ETV6: variants seen among roughly 807,000 people sequenced by gnomAD.
ETV6 encodes ETS variant transcription factor 6, also known as transcription factor ETV6.
Under a neutral mutation model 51.1 loss-of-function variants are expected in ETV6, and 16 were observed. The ratio of observed to expected loss-of-function variants is 0.31; its 90% CI spans 0.21 to 0.48. The LOEUF (loss-of-function observed/expected upper bound fraction) is 0.48. Ranked by LOEUF, ETV6 falls within the 20% of genes least tolerant of loss-of-function variation. ETV6 has a pLI of 0.99. For missense variants in ETV6, 458 were observed against 594.8 expected, an observed-to-expected ratio of 0.77 and a Z score of 2.39; for synonymous variants, 240 against 224.1, an observed-to-expected ratio of 1.07 and a Z score of -0.64.
intron 3 of ETV6, among the ~76,000 whole-genome samples, chr12:11,843,978 G>A (rs1157378012): frequency 1.3e-5 from 2 of 151,628 alleles, no homozygotes; most frequent in East Asian, 1.9e-4. Context: ...TTTATAAAAC[G>A]TCACCTGGAC....
At chr12:11,727,654 A>G (rs1390907050) in intron 1 of ETV6, among the ~76,000 whole-genome samples, 2 of 148,740 alleles carry the variant, frequency 1.3e-5, no homozygotes, top group Admixed American at 6.7e-5. Context: ...GTACATGGTC[A>G]TGAAAAGTGC....
chr12:11,742,940 G>A (rs1865837952), intron 1 of ETV6, among the ~76,000 whole-genome samples: 1 of 151,478 alleles, frequency 6.6e-6, no homozygotes, highest in South Asian at 2.1e-4. Context: ...CCAAGTAGCT[G>A]GAACCACAGG....
intron 2 of ETV6, among the ~76,000 whole-genome samples, chr12:11,806,945 G>T (rs1945837933): frequency 6.6e-6 from 1 of 152,142 alleles, no homozygotes; most frequent in Non-Finnish European, 1.5e-5. Flanking sequence ...TTTCTTAAAA[G>T]AAAGCAGTGA....
chr12:11,770,244 G>A (rs1945223552), intron 2 of ETV6, among the ~76,000 whole-genome samples: 1 of 152,034 alleles, frequency 6.6e-6, no homozygotes, highest in South Asian at 2.1e-4. Context: ...GATATTGGGA[G>A]GTGACAGTGC....
chr12:11,702,034 T>C (rs139762091), intron 1 of ETV6, among the ~76,000 whole-genome samples: 33 of 152,244 alleles, frequency 2.2e-4, no homozygotes, highest in African/African-American at 7.9e-4. Flanking sequence ...TGCTAAGGAT[T>C]GGGGTACAGG....
rs377757573 is a variant in ETV6, at chr12:11,877,302, CTT to C, written c.1010-7128_1010-7127del. Among the ~76,000 whole-genome samples the C allele has an allele frequency of 8.4e-3, 1,185 of 141,654 alleles. 22 individuals are homozygous for C. Among genetic ancestry groups the C allele is most frequent in the African/African-American group, 0.029 (1,114 of 38,734 alleles). The allele number at this position is 141,654 out of a possible 152,430, so 92.9% of individuals were successfully genotyped here. On this transcript the variant is annotated intron_variant, in intron 5 of 7. Coordinates refer to ENST00000396373, the MANE Select transcript of ETV6 (RefSeq NM_001987.5). The stretch of plus-strand genomic sequence containing the variant: ...ATTTGTTTCAAAGGAAGCCTATAGA[CTT>C]TTTTTTTTTTTTTTAATTTTGTACA...
At chr12:11,674,640 TG>T (rs1864381385) in intron 1 of ETV6, among the ~76,000 whole-genome samples, 1 of 150,968 alleles carries the variant, frequency 6.6e-6, no homozygotes, top group South Asian at 2.1e-4. Context: ...TGTGTGTGTG[TG>T]TGTGTGTGTG....
chr12:11,817,196 G>T (rs1342458374), intron 2 of ETV6, among the ~76,000 whole-genome samples: 1 of 152,164 alleles, frequency 6.6e-6, no homozygotes, highest in Non-Finnish European at 1.5e-5. Context: ...CCACCCTCCA[G>T]AGCTGTTATG....
intron 2 of ETV6, among the ~76,000 whole-genome samples, chr12:11,763,650 T>C (rs940385964): frequency 2.0e-5 from 3 of 152,276 alleles, no homozygotes; most frequent in Non-Finnish European, 4.4e-5. Flanking sequence ...GATCGTCTTA[T>C]AGCTGTTATT....
At chr12:11,752,871 C>A (rs1866065711) in intron 2 of ETV6, 1 of 269,686 alleles carries the variant, frequency 3.7e-6, no homozygotes, top group African/African-American at 2.2e-5. Flanking sequence ...TCCTAGTAGA[C>A]AAGATGATTT....
In ETV6 at chr12:11,869,944, C is replaced by G; in HGVS notation, c.984C>G (p.His328Gln). The G allele has an allele frequency of 1.2e-6, 2 of 1,607,698 alleles. No individual in the cohort carries two copies. The highest frequency in any genetic ancestry group is 1.7e-6 in the Non-Finnish European group (2 of 1,179,366). Residue 328 changes from histidine (H) to glutamine (Q), a missense_variant, in exon 5 of 8, where the codon CAC (histidine) becomes CAG (glutamine). Around this residue, in one of 4 missense-constraint regions of ETV6, gnomAD observed 293 missense variants for 315.7 expected, o/e 0.93. Coordinates refer to ENST00000396373, the MANE Select transcript of ETV6 (RefSeq NM_001987.5). The surrounding 1 kb of genome is among the most constrained non-coding windows in gnomAD (Gnocchi z 5.0). The stretch of plus-strand genomic sequence containing the variant: ...TCTCTGTCTCCCCGCCTGAAGAGCA[C>G]GCCATGCCCATTGGGAGAATAGCAG... Reference protein sequence around the residue: ...IMVSVSPPEEHAMPIGRIADC... With the variant: ...IMVSVSPPEEQAMPIGRIADC...
intron 2 of ETV6, among the ~76,000 whole-genome samples, chr12:11,794,617 T>G (rs955386642): frequency 6.6e-6 from 1 of 152,246 alleles, no homozygotes; most frequent in Non-Finnish European, 1.5e-5. Context: ...TCCTTGCACC[T>G]GAGTTTTTTA....
chr12:11,861,887 C>A (rs1946723714), intron 4 of ETV6, among the ~76,000 whole-genome samples: 1 of 152,158 alleles, frequency 6.6e-6, no homozygotes, highest in Non-Finnish European at 1.5e-5. Context: ...GAAATCCAAT[C>A]CTTTGATTTT....
intron 2 of ETV6, among the ~76,000 whole-genome samples, chr12:11,753,318 C>G (rs564261774): frequency 1.3e-5 from 2 of 152,296 alleles, no homozygotes; most frequent in South Asian, 2.1e-4. Context: ...CCGTTGACAC[C>G]TGCTGTGTCC....
intron 2 of ETV6, among the ~76,000 whole-genome samples, chr12:11,769,605 A>T (rs1945211730): frequency 6.6e-6 from 1 of 152,204 alleles, no homozygotes; most frequent in South Asian, 2.1e-4. Context: ...CTTTCACTTT[A>T]ATCTTTCATT....
intron 1 of ETV6, among the ~76,000 whole-genome samples, chr12:11,702,910 A>G (rs1234584490): frequency 1.3e-5 from 2 of 152,346 alleles, no homozygotes; most frequent in Non-Finnish European, 2.9e-5. Flanking sequence ...GTTTAAGACC[A>G]GCCTGGGCAA....
intron 1 of ETV6, among the ~76,000 whole-genome samples, chr12:11,704,969 C>T (rs1020194881): frequency 3.3e-5 from 5 of 152,152 alleles, no homozygotes; most frequent in African/African-American, 1.2e-4. Flanking sequence ...TATGATCTCA[C>T]TTTTATCTGA....
chr12:11,868,211 G>A (rs148109651), intron 4 of ETV6, among the ~76,000 whole-genome samples: 1 of 152,142 alleles, frequency 6.6e-6, no homozygotes, highest in Non-Finnish European at 1.5e-5. Flanking sequence ...GTGACTTTGT[G>A]TCATAGTTTC....
At chr12:11,797,045 G>A (rs1466548237) in intron 2 of ETV6, among the ~76,000 whole-genome samples, 3 of 152,222 alleles carry the variant, frequency 2.0e-5, no homozygotes, top group East Asian at 1.9e-4. Flanking sequence ...TCTCCTTGTC[G>A]AGAGGCATTT....
Sources: allele counts gnomAD v4.1 joint callset (sites outside exome capture counted in the v4.1 genomes callset), GRCh38; gene constraint gnomAD v4.1.1; regional missense constraint gnomAD v4.1.1; non-coding constraint Gnocchi (gnomAD v3.1); transcripts MANE v1.5; gene names NCBI Gene and HGNC (gene_info 2026-07-23, HGNC 2026-07-21).